The following CWF19L2 variants were observed in gnomAD, a reference collection of about 807,000 sequenced individuals.
CWF19L2 encodes the protein CWF19-like protein 2.
In CWF19L2, 98 loss-of-function variants were observed where a neutral mutation model predicts 111.7. The observed-to-expected ratio is 0.88, with a 90% confidence interval of 0.75 to 1.04. The LOEUF is 1.04. Among genes scored for constraint, CWF19L2 ranks in the 50% least tolerant of loss-of-function variants. The probability of loss-of-function intolerance (pLI) is 0.00; values close to 1 mark genes in which losing one functional copy is unlikely to be tolerated. For synonymous variants in CWF19L2, 351 were observed against 342.9 expected, an observed-to-expected ratio of 1.02 and a Z score of -0.26; for missense variants, 1,101 against 1,051.4, an observed-to-expected ratio of 1.05 and a Z score of -0.65.
intron 6 of CWF19L2, among the ~76,000 whole-genome samples, 171 bp from the exon 7 acceptor site, chr11:107,433,920 ATT>A (rs1415146958): frequency 7.9e-6 from 1 of 127,358 alleles, no homozygotes; most frequent in Non-Finnish European, 1.7e-5. Context: ...ATATATATAT[ATT>A]TCAGTGCCTA....
In CWF19L2 at chr11:107,429,072, T is replaced by C; in HGVS notation, c.1160A>G (p.Glu387Gly). Reference sequence around the variant, plus strand: ...CAATGCTGAAGATGAACTAAGTGGTTCAAATTTTCTGCCCTTGCTGTGAAA... The same window carrying C: ...CAATGCTGAAGATGAACTAAGTGGTCCAAATTTTCTGCCCTTGCTGTGAAA... ...LSFHSKGRKF[E>G]PLSSSSALVA... is the part of the protein sequence containing the mutation. Residue 387 changes from glutamate (E) to glycine (G), a missense_variant, in exon 8 of 18, where the codon GAA (glutamate) becomes GGA (glycine). Coordinates refer to ENST00000282251, the MANE Select transcript of CWF19L2 (RefSeq NM_152434.3). 2 of 1,613,876 alleles carry C rather than the reference T, an allele frequency of 1.2e-6. No homozygotes were observed. The highest frequency in any genetic ancestry group is 1.7e-6 in the Non-Finnish European group (2 of 1,179,828).
Position 107,372,831 on chromosome 11 carries a change from G to C in CWF19L2, c.1872+17243C>G, listed in dbSNP as rs1055777818. Among the ~76,000 whole-genome samples the C allele has an allele frequency of 1.5e-4, 20 of 130,840 alleles. 3 individuals are homozygous for C. Among genetic ancestry groups the C allele is most frequent in the South Asian group, 5.2e-4 (2 of 3,834 alleles). 85.8% of individuals were successfully genotyped at this position (130,840 alleles called of 152,430 possible). ...TCCCAGCGTGAGCGACGCAGAAGACGGGTGATTTGTGCATTTCCATCTGAG... is the reference window on the plus strand; with the variant it reads ...TCCCAGCGTGAGCGACGCAGAAGACCGGTGATTTGTGCATTTCCATCTGAG... On this transcript the variant is annotated intron_variant, in intron 12 of 17. Transcript: ENST00000282251.
chr11:107,372,896 C>T (rs1210725262), intron 12 of CWF19L2, among the ~76,000 whole-genome samples: 1 of 128,896 alleles, frequency 7.8e-6, no homozygotes, highest in African/African-American at 3.3e-5. Flanking sequence ...AGACAGTGGG[C>T]GCAGGCCAGT....
intron 3 of CWF19L2, among the ~76,000 whole-genome samples, chr11:107,445,372 G>A (rs920553888): frequency 7.9e-5 from 12 of 152,116 alleles, no homozygotes; most frequent in East Asian, 5.8e-4. Flanking sequence ...TTGGGAGGCC[G>A]AGGCGGGTGG....
At chr11:107,347,087 A>C (rs889676020) in intron 14 of CWF19L2, among the ~76,000 whole-genome samples, 2 of 152,224 alleles carry the variant, frequency 1.3e-5, no homozygotes, top group African/African-American at 4.8e-5. Context: ...AAATTTGTAA[A>C]AATGATAACA....
At chr11:107,437,519 T>A (rs1861559759) in intron 6 of CWF19L2, among the ~76,000 whole-genome samples, 2 of 152,216 alleles carry the variant, frequency 1.3e-5, no homozygotes, top group Non-Finnish European at 2.9e-5. Flanking sequence ...AATCATTTTT[T>A]AAAACTTAAT....
intron 14 of CWF19L2, among the ~76,000 whole-genome samples, chr11:107,343,812 C>T (rs1327021891): frequency 2.0e-5 from 3 of 152,088 alleles, no homozygotes; most frequent in Admixed American, 2.0e-4. Context: ...CTACTGGGGC[C>T]ATTTTACCAA....
At chr11:107,442,132 G>A (rs1280948001) in intron 4 of CWF19L2, among the ~76,000 whole-genome samples, 1 of 152,128 alleles carries the variant, frequency 6.6e-6, no homozygotes, top group African/African-American at 2.4e-5. Flanking sequence ...AAGGCTTTAG[G>A]GACATAAGGG....
chr11:107,405,953 C>A (rs1861071593), intron 10 of CWF19L2, among the ~76,000 whole-genome samples: 1 of 151,518 alleles, frequency 6.6e-6, no homozygotes, highest in Non-Finnish European at 1.5e-5. Context: ...TTTACTGGAT[C>A]AAGAGATAAC....
intron 12 of CWF19L2, among the ~76,000 whole-genome samples, chr11:107,362,276 T>C (rs1049566359): frequency 7.2e-5 from 11 of 151,994 alleles, no homozygotes; most frequent in Admixed American, 2.6e-4. Context: ...CAGGCTTGCT[T>C]AGGTAAACAA....
At chr11:107,454,073 TG>T (rs1356188408) in intron 3 of CWF19L2, among the ~76,000 whole-genome samples, 1 of 152,180 alleles carries the variant, frequency 6.6e-6, no homozygotes, top group Non-Finnish European at 1.5e-5. Context: ...CCCTCAGGCC[TG>T]GGGGAACTTG....
At chr11:107,403,343 C>T in intron 10 of CWF19L2, 1 of 541,402 alleles carries the variant, frequency 1.8e-6, no homozygotes, top group South Asian at 2.5e-5. Context: ...TTTAAAAAAC[C>T]AAAAAACTTT....
chr11:107,457,711 C>T lies in CWF19L2; in HGVS notation c.105+1G>A. On this transcript the variant is annotated splice_donor_variant, in intron 1 of 17. Transcript: ENST00000282251. LOFTEE classifies it high-confidence loss of function. The stretch of plus-strand genomic sequence containing the variant: ...CTACAAAAGCCCCAAAACAGAGGTA[C>T]CTGGCGCAACACCTCGGCCCTGGCA... The T allele has an allele frequency of 6.5e-7, 1 of 1,549,772 alleles. No individual in the cohort carries two copies.
intron 10 of CWF19L2, among the ~76,000 whole-genome samples, chr11:107,415,724 T>C (rs1039936382): frequency 2.0e-5 from 3 of 152,146 alleles, no homozygotes; most frequent in African/African-American, 4.8e-5. Context: ...AGAGAATATA[T>C]AGAAAACTAA....
intron 15 of CWF19L2, 133 bp from the exon 16 acceptor site, chr11:107,335,094 A>T: frequency 1.9e-6 from 1 of 540,104 alleles, no homozygotes; most frequent in Non-Finnish European, 3.2e-6. Context: ...GAACTGATTA[A>T]GGCTTTTAGT....
At chr11:107,425,248 C>A (rs1337778689) in intron 8 of CWF19L2, among the ~76,000 whole-genome samples, 2 of 149,496 alleles carry the variant, frequency 1.3e-5, no homozygotes, top group African/African-American at 4.9e-5. Flanking sequence ...AAATAAGTAA[C>A]TAAAAGAGCT....
intron 10 of CWF19L2, chr11:107,404,630 C>T: frequency 1.9e-6 from 1 of 521,586 alleles, no homozygotes; most frequent in South Asian, 1.8e-5. Context: ...TTCCCTTTGT[C>T]CCACGCTTAC....
chr11:107,443,111 G>A lies in CWF19L2; in HGVS notation c.340-62C>T, dbSNP rs182162944. 27 of 1,077,732 alleles carry A rather than the reference G, an allele frequency of 2.5e-5. No homozygotes were observed. The African/African-American group carries it at 4.1e-4, about 16-fold the overall frequency. 66.8% of individuals were successfully genotyped at this position (1,077,732 alleles called of 1,614,324 possible). A position where few individuals can be genotyped will look rare whatever the true frequency, so the allele number is the denominator to read the frequency against. On this transcript the variant is annotated intron_variant, in intron 3 of 17. Transcript: ENST00000282251. ...TTGCATACTTTGATATAAAAATTCT[G>A]TGCTGTTAAGTGGTAGAAATTCAAC...
chr11:107,422,981 A>G (rs904649254), intron 8 of CWF19L2, among the ~76,000 whole-genome samples: 1 of 151,980 alleles, frequency 6.6e-6, no homozygotes, highest in Non-Finnish European at 1.5e-5. Context: ...AAAGTAACAT[A>G]TTTTCATTCC....
Sources: gnomAD v4.1 joint callset for allele counts (sites outside exome capture counted in the v4.1 genomes callset) on GRCh38, gnomAD v4.1.1 for gene constraint, MANE v1.5 for transcripts, NCBI Gene and HGNC (gene_info 2026-07-23, HGNC 2026-07-21) for gene names.